The following MAGI1 variants were observed in gnomAD, a reference collection of about 807,000 sequenced individuals.
The protein encoded by MAGI1 is membrane-associated guanylate kinase, WW and PDZ domain-containing protein 1.
A neutral mutation model predicts 139.9 loss-of-function variants in MAGI1; 58 were observed. The ratio of observed to expected loss-of-function variants is 0.41; its 90% confidence interval spans 0.34 to 0.52. MAGI1 has a LOEUF of 0.52. Ranked by LOEUF, MAGI1 falls within the 20% of genes least tolerant of loss-of-function variation. The pLI, the probability that MAGI1 is intolerant of heterozygous loss-of-function variation, is 0.12. For synonymous variants in MAGI1, 812 were observed against 737.9 expected, an observed-to-expected ratio of 1.10 and a Z score of -1.63; for missense variants, 1,874 against 1,901.6, an observed-to-expected ratio of 0.99 and a Z score of 0.27.
Position 66,038,354 on chromosome 3 carries a change from G to T in MAGI1, c.-46C>A. ...CAAAAAAATAAAACGAGAGACAGGT[G>T]CCCCCCACAGCACGAGCCCCCAAGC... On this transcript the variant is annotated 5_prime_UTR_variant, in exon 1 of 23. Coordinates refer to ENST00000402939, the MANE Select transcript of MAGI1 (RefSeq NM_001033057.2). 1 of 1,508,736 alleles carries T rather than the reference G, an allele frequency of 6.6e-7. No individual in the cohort carries two copies. The highest frequency in any genetic ancestry group is 8.8e-7 in the Non-Finnish European group (1 of 1,132,128). The allele number at this position is 1,508,736 out of a possible 1,614,324, so 93.5% of individuals were successfully genotyped here. A position where few individuals can be genotyped will look rare whatever the true frequency, so the allele number is the denominator to read the frequency against.
At chr3:65,433,521 A>G (rs1449168450) in intron 10 of MAGI1, among the ~76,000 whole-genome samples, 1 of 152,152 alleles carries the variant, frequency 6.6e-6, no homozygotes, top group Non-Finnish European at 1.5e-5. Context: ...GCTTTTGGAA[A>G]GAAACGCTTT....
intron 2 of MAGI1, among the ~76,000 whole-genome samples, chr3:65,576,638 A>G (rs1436427778): frequency 1.3e-5 from 2 of 152,142 alleles, no homozygotes; most frequent in African/African-American, 4.8e-5. Context: ...TGCTATCTGC[A>G]TTTTGTCTTG....
intron 1 of MAGI1, among the ~76,000 whole-genome samples, chr3:65,705,837 T>C (rs980448117): frequency 9.2e-5 from 14 of 152,224 alleles, no homozygotes; most frequent in Admixed American, 5.2e-4. Context: ...GGGCTAATCC[T>C]TCCTCTCAAC....
intron 1 of MAGI1, among the ~76,000 whole-genome samples, chr3:65,753,266 C>T (rs889782705): frequency 9.2e-5 from 14 of 152,034 alleles, no homozygotes; most frequent in African/African-American, 3.1e-4. Context: ...TGTCCAGGCT[C>T]GTCAGAATTT....
intron 2 of MAGI1, among the ~76,000 whole-genome samples, chr3:65,512,841 G>A (rs2077668381): frequency 6.6e-6 from 1 of 151,728 alleles, no homozygotes; most frequent in African/African-American, 2.4e-5. Flanking sequence ...AAGCCAGGCA[G>A]AGACACAGCC....
chr3:65,783,502 T>G (rs563000505), intron 1 of MAGI1, among the ~76,000 whole-genome samples: 2 of 151,732 alleles, frequency 1.3e-5, no homozygotes, highest in South Asian at 4.2e-4. Flanking sequence ...AAAAAAAAAT[T>G]TGTCTTGAGA....
Position 65,381,881 on chromosome 3 carries a change from A to C in MAGI1, c.2697T>G (p.Phe899Leu). Residue 899 changes from phenylalanine to leucine, a missense_variant, in exon 16 of 23, where the codon TTT becomes TTG. By Grantham distance (22) the Phe-to-Leu change is conservative. This residue lies in a region of MAGI1 where 482 missense variants were observed against 509.6 expected (regional missense o/e 0.95). Coordinates refer to ENST00000402939, the MANE Select transcript of MAGI1 (RefSeq NM_001033057.2). ...AGGAATGAATGAAATACATACCCGCAAAAACCACTTTACGCCGCACCGTGA... is the reference window on the plus strand; with the variant it reads ...AGGAATGAATGAAATACATACCCGCCAAAACCACTTTACGCCGCACCGTGA... ...VNLTVRRKVV[F>L]AVPKTENEVP... 6.2e-7 allele frequency: 1 copy of C among 1,608,516 alleles called. No homozygotes were observed. Among genetic ancestry groups the C allele is most frequent in the Non-Finnish European group, 8.5e-7 (1 of 1,177,308 alleles).
At chr3:65,858,295 T>G (rs905355698) in intron 1 of MAGI1, among the ~76,000 whole-genome samples, 4 of 152,180 alleles carry the variant, frequency 2.6e-5, no homozygotes, top group Non-Finnish European at 4.4e-5. Context: ...AACTCACTGC[T>G]CCATGTTGAC....
intron 1 of MAGI1, among the ~76,000 whole-genome samples, chr3:65,692,277 T>C (rs2088745041): frequency 6.6e-6 from 1 of 152,212 alleles, no homozygotes; most frequent in South Asian, 2.1e-4. Flanking sequence ...AGATATCGTT[T>C]ATTCATTGAT....
At chr3:65,896,177 TA>T (rs2060959791) in intron 1 of MAGI1, among the ~76,000 whole-genome samples, 1 of 152,136 alleles carries the variant, frequency 6.6e-6, no homozygotes, top group Non-Finnish European at 1.5e-5. Flanking sequence ...CCACTCACTT[TA>T]AATTCAGGCA....
chr3:65,619,184 G>A (rs774344376), intron 2 of MAGI1, among the ~76,000 whole-genome samples: 1 of 152,142 alleles, frequency 6.6e-6, no homozygotes, highest in Non-Finnish European at 1.5e-5. Flanking sequence ...AGCAGATGAG[G>A]AATGAGTAAT....
chr3:65,811,382 C>T (rs2041224550), intron 1 of MAGI1, among the ~76,000 whole-genome samples: 1 of 152,184 alleles, frequency 6.6e-6, no homozygotes, highest in African/African-American at 2.4e-5. Flanking sequence ...GATTCTCAGC[C>T]AAGCCCAGAA....
chr3:65,546,117 A>C (rs140135572), intron 2 of MAGI1, among the ~76,000 whole-genome samples: 2 of 152,288 alleles, frequency 1.3e-5, no homozygotes, highest in African/African-American at 4.8e-5. Context: ...AATTGCATAT[A>C]AACATACATT....
intron 1 of MAGI1, among the ~76,000 whole-genome samples, chr3:65,864,549 A>G (rs9847871): frequency 0.48 from 73,019 of 152,192 alleles, 20,429 homozygotes; most frequent in African/African-American, 0.78. Flanking sequence ...ACACAGCTAC[A>G]CTGGCCACAT....
chr3:65,965,473 C>T lies in MAGI1; in HGVS notation c.313+72523G>A, dbSNP rs529589494. On this transcript the variant is annotated intron_variant, in intron 1 of 22. Coordinates refer to ENST00000402939, the MANE Select transcript of MAGI1 (RefSeq NM_001033057.2). ...AAATCTTGCCATTAAAAGGTATGGTCTCTCAATTAGGAAGGAAAATTAGCA... is the reference window on the plus strand; with the variant it reads ...AAATCTTGCCATTAAAAGGTATGGTTTCTCAATTAGGAAGGAAAATTAGCA... Among the ~76,000 whole-genome samples the T allele has an allele frequency of 3.3e-5, 5 of 152,260 alleles. No individual in the cohort carries two copies. In the South Asian group the frequency reaches 8.3e-4, roughly 25 times the overall value.
intron 2 of MAGI1, among the ~76,000 whole-genome samples, chr3:65,566,247 C>T (rs1387588676): frequency 4.0e-5 from 6 of 149,928 alleles, no homozygotes; most frequent in Non-Finnish European, 7.4e-5. Flanking sequence ...GAGCAAGACT[C>T]TGTCTCAAAA....
intron 1 of MAGI1, chr3:65,718,602 C>T (rs1035746545): frequency 6.6e-6 from 1 of 152,090 alleles, no homozygotes; most frequent in Non-Finnish European, 1.5e-5. Flanking sequence ...CTGGTATAAA[C>T]AGCCGAAGTA....
chr3:65,949,774 C>T (rs183303356), intron 1 of MAGI1, among the ~76,000 whole-genome samples: 1 of 152,124 alleles, frequency 6.6e-6, no homozygotes. Context: ...TATATCTTGG[C>T]TCCAGTTTTA....
chr3:65,457,252 G>A (rs1949461139), intron 5 of MAGI1, among the ~76,000 whole-genome samples: 1 of 152,162 alleles, frequency 6.6e-6, no homozygotes, highest in African/African-American at 2.4e-5. Flanking sequence ...ATCATTGTAT[G>A]TAATACTTTA....
Sources: allele counts gnomAD v4.1 joint callset (sites outside exome capture counted in the v4.1 genomes callset), GRCh38; gene constraint gnomAD v4.1.1; regional missense constraint gnomAD v4.1.1; transcripts MANE v1.5; gene names NCBI Gene and HGNC (gene_info 2026-07-23, HGNC 2026-07-21).